Variants in WDR19 observed in about 807,000 individuals in gnomAD.
WDR19 encodes WD repeat domain 19.
WDR19 carries 121 observed loss-of-function variants against 180.0 expected under a neutral mutation model. The ratio of observed to expected loss-of-function variants is 0.67; its 90% confidence interval spans 0.58 to 0.78. WDR19 has a LOEUF of 0.78. Among genes scored for constraint, WDR19 ranks in the 30% least tolerant of loss-of-function variants. WDR19 has a pLI of 0.00. For missense variants in WDR19, 1,450 were observed against 1,640.7 expected (o/e 0.88, Z 2.01); for synonymous variants, 497 against 540.7 (o/e 0.92, Z 1.12).
rs369120209 is a variant in WDR19, at chr4:39,268,182, G to A, written c.3358+91G>A. On this transcript the variant is annotated intron_variant, in intron 30 of 36. Coordinates refer to ENST00000399820, the MANE Select transcript of WDR19 (RefSeq NM_025132.4). The stretch of plus-strand genomic sequence containing the variant: ...CTGTGTAGGAAAGAGTAGCCCCTAC[G>A]TTTGTAACATAGGCTTGCTTTGAAC... 4,202 of 1,108,264 alleles carry A rather than the reference G, an allele frequency of 3.8e-3. 114 individuals are homozygous for A. The South Asian group carries it at 0.046, about 12-fold the overall frequency. 68.7% of individuals were successfully genotyped at this position (1,108,264 alleles called of 1,614,324 possible). A position where few individuals can be genotyped will look rare whatever the true frequency, so the allele number is the denominator to read the frequency against.
At chr4:39,198,919 A>G (rs1262865918) in intron 5 of WDR19, among the ~76,000 whole-genome samples, 1 of 150,762 alleles carries the variant, frequency 6.6e-6, no homozygotes. Context: ...AATTGCTTGA[A>G]CCTGGGAGGC....
chr4:39,274,751 G>A, intron 32 of WDR19, 57 bp from the exon 33 acceptor site: 1 of 1,584,034 alleles, frequency 6.3e-7, no homozygotes, highest in South Asian at 1.1e-5. Flanking sequence ...AATCCCGCCT[G>A]TATCACTGAG....
At chr4:39,183,598 G>T (rs1274708328) in intron 1 of WDR19, among the ~76,000 whole-genome samples, 2 of 152,088 alleles carry the variant, frequency 1.3e-5, no homozygotes, top group Non-Finnish European at 2.9e-5. Flanking sequence ...CTTCTTCGTG[G>T]CTATTAGTGT....
chr4:39,236,067 C>G (rs1731343135), intron 20 of WDR19, among the ~76,000 whole-genome samples: 1 of 152,100 alleles, frequency 6.6e-6, no homozygotes, highest in Non-Finnish European at 1.5e-5. Context: ...TTATGGAAAA[C>G]AGTATGGAGA....
chr4:39,199,491 G>A lies in WDR19; in HGVS notation c.420G>A (p.Lys140=), dbSNP rs751624509. ...TCTCTTTTTCAGGAAAACATACTAA[G>A]AGAATCACTTGTGGATGTTGGAATG... ...RKIPVLGKHT[K]RITCGCWNAE... The change falls in exon 6 of 37, where the codon AAG becomes AAA. Residue 140 remains lysine, a synonymous_variant. Transcript: ENST00000399820. 3.7e-6 allele frequency: 6 copies of A among 1,612,302 alleles called. No homozygotes were observed. The South Asian group carries it at 5.5e-5, about 15-fold the overall frequency.
At chr4:39,274,504 A>G in intron 32 of WDR19, 2 of 318,850 alleles carry the variant, frequency 6.3e-6, no homozygotes, top group Non-Finnish European at 5.8e-6. Flanking sequence ...CAGTCCTGTC[A>G]GATGCAAAAA....
chr4:39,219,575 G>C (rs947303630), intron 14 of WDR19, among the ~76,000 whole-genome samples: 2 of 152,190 alleles, frequency 1.3e-5, no homozygotes, highest in African/African-American at 4.8e-5. Context: ...TTACTTGCTA[G>C]CTGGTGCTTA....
chr4:39,184,064 T>C (rs144151573), intron 1 of WDR19, among the ~76,000 whole-genome samples: 2 of 152,322 alleles, frequency 1.3e-5, no homozygotes, highest in East Asian at 3.9e-4. Context: ...CCCATGATCA[T>C]AGCCCACCTC....
chr4:39,268,463 G>A (rs538318626), intron 30 of WDR19, among the ~76,000 whole-genome samples: 35 of 152,132 alleles, frequency 2.3e-4, no homozygotes, highest in Non-Finnish European at 3.2e-4. Flanking sequence ...GACATTAGGC[G>A]ATGGAGGGTA....
At chr4:39,233,055 T>C (rs1377706834) in intron 19 of WDR19, among the ~76,000 whole-genome samples, 3 of 152,194 alleles carry the variant, frequency 2.0e-5, no homozygotes, top group East Asian at 1.9e-4. Flanking sequence ...TAAGCACTTA[T>C]CATGTATTAA....
chr4:39,249,702 G>T (rs548203860), intron 24 of WDR19, among the ~76,000 whole-genome samples: 1 of 152,290 alleles, frequency 6.6e-6, no homozygotes, highest in South Asian at 2.1e-4. Context: ...TGCCATCAGA[G>T]AATACTATAA....
At chr4:39,190,671 G>A (rs560103224) in intron 4 of WDR19, among the ~76,000 whole-genome samples, 70 of 152,290 alleles carry the variant, frequency 4.6e-4, no homozygotes, top group African/African-American at 1.6e-3. Context: ...GTCATGTAGC[G>A]CAGGATCAGA....
intron 35 of WDR19, 109 bp downstream of exon 35, chr4:39,278,316 T>A: frequency 8.8e-7 from 1 of 1,132,252 alleles, no homozygotes; most frequent in Non-Finnish European, 1.3e-6. Context: ...TAAGGATCTC[T>A]AAAGACTCAA....
In WDR19 at chr4:39,236,048, G is replaced by T. The variant is rs10023984; in HGVS notation, c.2363+1173G>T. Among the ~76,000 whole-genome samples the T allele has an allele frequency of 6.4e-3, 971 of 152,266 alleles. 16 individuals are homozygous for T. Among genetic ancestry groups the T allele is most frequent in the African/African-American group, 0.022 (917 of 41,558 alleles). On this transcript the variant is annotated intron_variant, in intron 20 of 36. Transcript: ENST00000399820. ...ATACTGTTGATAGGAATGTAAATTAGTAGAACCTTTATGGAAAACAGTATG... is the reference window on the plus strand; with the variant it reads ...ATACTGTTGATAGGAATGTAAATTATTAGAACCTTTATGGAAAACAGTATG...
At chr4:39,250,350 C>T (rs1053389297) in intron 24 of WDR19, among the ~76,000 whole-genome samples, 8 of 152,128 alleles carry the variant, frequency 5.3e-5, no homozygotes, top group Non-Finnish European at 8.8e-5. Context: ...ATTGATGAGA[C>T]GTATCTCAAA....
At chr4:39,222,770 G>A (rs921557414) in intron 14 of WDR19, among the ~76,000 whole-genome samples, 4 of 152,124 alleles carry the variant, frequency 2.6e-5, no homozygotes, top group African/African-American at 9.7e-5. Flanking sequence ...AAACAACGCA[G>A]AGAGAAGTCC....
intron 31 of WDR19, among the ~76,000 whole-genome samples, chr4:39,271,949 A>T (rs972717425): frequency 2.0e-5 from 3 of 152,220 alleles, no homozygotes; most frequent in Non-Finnish European, 4.4e-5. Context: ...TAACTTTTAA[A>T]TTTAAGTAGC....
chr4:39,253,990 T>C lies in WDR19; in HGVS notation c.2961T>C (p.Ala987=). ...SKCNNEAFTL[A]QQHNKMEIYA... is the part of the protein sequence containing the mutation. ...GCAACAATGAAGCTTTCACACTGGC[T>C]CAGCAACACAACAAAATGGAAATCT... The change falls in exon 26 of 37, where the codon GCT becomes GCC. Residue 987 remains alanine, a synonymous_variant. Transcript: ENST00000399820. 2 of 1,612,718 alleles carry C rather than the reference T, an allele frequency of 1.2e-6. No individual in the cohort carries two copies. Among genetic ancestry groups the C allele is most frequent in the Non-Finnish European group, 1.7e-6 (2 of 1,178,990 alleles).
At chr4:39,256,088 C>T in intron 27 of WDR19, 128 bp downstream of exon 27, 2 of 438,268 alleles carry the variant, frequency 4.6e-6, no homozygotes, top group Non-Finnish European at 7.8e-6. Flanking sequence ...TTTGAAATCT[C>T]AGAGCTAACT....
Sources: gnomAD v4.1 joint callset for allele counts (sites outside exome capture counted in the v4.1 genomes callset) on GRCh38, gnomAD v4.1.1 for gene constraint, MANE v1.5 for transcripts, NCBI Gene and HGNC (gene_info 2026-07-23, HGNC 2026-07-21) for gene names.